The following DHX35 variants were observed in gnomAD, a reference collection of about 807,000 sequenced individuals.
The protein encoded by DHX35 is probable ATP-dependent RNA helicase DHX35.
A neutral mutation model predicts 99.6 loss-of-function variants in DHX35; 84 were observed. That is an observed-to-expected ratio of 0.84 (90% CI 0.71 to 1.01). The LOEUF (loss-of-function observed/expected upper bound fraction) is 1.01, where lower values mean the gene tolerates loss of function less well. DHX35 is among the 50% of genes least tolerant of loss of function. The pLI, the probability that DHX35 is intolerant of heterozygous loss-of-function variation, is 0.00. For missense variants in DHX35, 852 were observed against 888.5 expected, an observed-to-expected ratio of 0.96 and a Z score of 0.52; for synonymous variants, 331 against 316.2, an observed-to-expected ratio of 1.05 and a Z score of -0.50.
At chr20:39,035,715 C>G (rs911811172) in intron 21 of DHX35, among the ~76,000 whole-genome samples, 9 of 152,200 alleles carry the variant, frequency 5.9e-5, no homozygotes, top group Middle Eastern at 3.2e-3. Context: ...AGTCCCATGT[C>G]ACTTGCTTAC....
intron 9 of DHX35, among the ~76,000 whole-genome samples, 189 bp downstream of exon 9, chr20:39,002,031 T>C (rs1455884701): frequency 6.6e-6 from 1 of 152,228 alleles, no homozygotes; most frequent in Admixed American, 6.5e-5. Context: ...CTGTTCACAC[T>C]GACATGCAAG....
intron 3 of DHX35, chr20:38,977,962 T>C (rs6071632): frequency 1.4e-3 from 872 of 639,602 alleles, no homozygotes; most frequent in Non-Finnish European, 2.0e-3. Context: ...TTTTACTTTT[T>C]TCTCTGGAAC....
intron 4 of DHX35, among the ~76,000 whole-genome samples, chr20:38,984,450 C>A (rs1037328829): frequency 3.9e-5 from 6 of 151,974 alleles, no homozygotes; most frequent in African/African-American, 1.2e-4. Context: ...AAAATGAGAT[C>A]ATATTTAATA....
intron 6 of DHX35, 37 bp downstream of exon 6, chr20:38,991,552 C>G (rs1032306424): frequency 6.9e-6 from 11 of 1,585,960 alleles, no homozygotes; most frequent in East Asian, 2.2e-5. Flanking sequence ...TTCCTAGTTT[C>G]CAAAGTCCCC....
chr20:38,972,670 A>G lies in DHX35; in HGVS notation c.267+19A>G. 6.4e-7 allele frequency: 1 copy of G among 1,561,654 alleles called. No individual in the cohort carries two copies. The highest frequency in any genetic ancestry group is 8.8e-7 in the Non-Finnish European group (1 of 1,134,298). On this transcript the variant is annotated intron_variant, in intron 3 of 21. Transcript: ENST00000252011. ...TCCTCAGGTGAGTACATATTTAATA[A>G]GTGTCTTTACACTTCGATTTGGCTG...
chr20:39,003,828 G>T lies in DHX35; in HGVS notation c.932G>T (p.Arg311Leu). Reference sequence around the variant, plus strand: ...CGCACTGGGATGAAGAGACACCTCCGAGTTCTCCCCATGTATGCAGGACTG... The same window carrying T: ...CGCACTGGGATGAAGAGACACCTCCTAGTTCTCCCCATGTATGCAGGACTG... ...LARTGMKRHL[R>L]VLPMYAGLPS... The change falls in exon 11 of 22, where the codon CGA (arginine) becomes CTA (leucine). Residue 311 changes from arginine to leucine, a missense_variant. Coordinates refer to ENST00000252011, the MANE Select transcript of DHX35 (RefSeq NM_021931.4). 1 of 1,614,206 alleles carries T rather than the reference G, an allele frequency of 6.2e-7. No homozygotes were observed. The highest frequency in any genetic ancestry group is 8.5e-7 in the Non-Finnish European group (1 of 1,180,038).
intron 9 of DHX35, 83 bp downstream of exon 9, chr20:39,001,925 A>G (rs2086526924): frequency 2.8e-6 from 3 of 1,061,216 alleles, no homozygotes. Context: ...ATTTGCTCAC[A>G]ACTCTAAAGG....
intron 20 of DHX35, among the ~76,000 whole-genome samples, chr20:39,032,861 G>A (rs567897636): frequency 6.6e-6 from 1 of 152,316 alleles, no homozygotes; most frequent in East Asian, 1.9e-4. Flanking sequence ...AGACCTAGAA[G>A]TTGCTTAGGT....
chr20:39,038,632 A>C lies in DHX35; in HGVS notation c.*89A>C. ...GTCCCAGGTGGGGTGAGCTGGCACC[A>C]GCTCCTGTGGAATGTTTGGTTGCTC... On this transcript the variant is annotated 3_prime_UTR_variant, in exon 22 of 22. Coordinates refer to ENST00000252011, the MANE Select transcript of DHX35 (RefSeq NM_021931.4). 1 of 1,379,272 alleles carries C rather than the reference A, an allele frequency of 7.3e-7. No homozygotes were observed. Among genetic ancestry groups the C allele is most frequent in the African/African-American group, 1.4e-5 (1 of 69,814 alleles). 85.4% of individuals were successfully genotyped at this position (1,379,272 alleles called of 1,614,324 possible).
At chr20:38,979,812 T>G (rs1298118337) in intron 3 of DHX35, among the ~76,000 whole-genome samples, 1 of 149,732 alleles carries the variant, frequency 6.7e-6, no homozygotes, top group Non-Finnish European at 1.5e-5. Context: ...ACAAACTATA[T>G]GTAGAACCTA....
At chr20:39,026,187 C>T (rs2086954150) in intron 18 of DHX35, among the ~76,000 whole-genome samples, 1 of 152,146 alleles carries the variant, frequency 6.6e-6, no homozygotes, top group African/African-American at 2.4e-5. Context: ...AGACAGTGCA[C>T]TGAGTGTTCC....
At chr20:39,030,913 A>T in intron 20 of DHX35, 138 bp downstream of exon 20, 1 of 921,420 alleles carries the variant, frequency 1.1e-6, no homozygotes, top group Non-Finnish European at 1.6e-6. Flanking sequence ...CTGTAATCCC[A>T]GCACTTTGGG....
intron 6 of DHX35, among the ~76,000 whole-genome samples, 198 bp from the exon 7 acceptor site, chr20:38,992,158 T>C (rs1157469590): frequency 1.3e-5 from 2 of 152,232 alleles, no homozygotes; most frequent in Non-Finnish European, 2.9e-5. Flanking sequence ...TAGTACACTT[T>C]TTAAAATTCA....
intron 1 of DHX35, among the ~76,000 whole-genome samples, chr20:38,964,126 A>G (rs1267335958): frequency 6.6e-6 from 1 of 152,214 alleles, no homozygotes; most frequent in African/African-American, 2.4e-5. Flanking sequence ...GGAAAGTTGA[A>G]TGTATGGATA....
chr20:38,972,284 TG>T (rs1434327854), intron 2 of DHX35, among the ~76,000 whole-genome samples: 2 of 152,182 alleles, frequency 1.3e-5, no homozygotes, highest in Non-Finnish European at 2.9e-5. Context: ...GTGCTGGGAT[TG>T]CAGGCGTGAG....
chr20:38,980,963 T>C (rs1442473454), intron 3 of DHX35, among the ~76,000 whole-genome samples: 1 of 152,206 alleles, frequency 6.6e-6, no homozygotes, highest in African/African-American at 2.4e-5. Flanking sequence ...ATTTACTTTG[T>C]AGAATGTTCC....
intron 3 of DHX35, among the ~76,000 whole-genome samples, chr20:38,982,123 G>C (rs182788126): frequency 2.9e-4 from 44 of 152,150 alleles, no homozygotes; most frequent in Non-Finnish European, 5.1e-4. Flanking sequence ...TAAACACCAT[G>C]AGTTTATGCA....
chr20:39,038,438 G>A (rs2145958295), intron 21 of DHX35, 61 bp from the exon 22 acceptor site: 1 of 1,560,682 alleles, frequency 6.4e-7, no homozygotes, highest in Middle Eastern at 1.7e-4. Context: ...TGGGGATTAT[G>A]TTGCAGTCTG....
chr20:38,997,634 C>T (rs2086451707), intron 8 of DHX35, among the ~76,000 whole-genome samples: 1 of 151,988 alleles, frequency 6.6e-6, no homozygotes, highest in South Asian at 2.1e-4. Flanking sequence ...GCCAGTGCCT[C>T]CTGTGTGAGG....
Sources: allele counts gnomAD v4.1 joint callset (sites outside exome capture counted in the v4.1 genomes callset), GRCh38; gene constraint gnomAD v4.1.1; transcripts MANE v1.5; gene names NCBI Gene and HGNC (gene_info 2026-07-23, HGNC 2026-07-21).